Variants in INSC observed in about 807,000 individuals in gnomAD.
INSC encodes INSC spindle orientation adaptor protein.
Under a neutral mutation model 58.6 loss-of-function variants are expected in INSC, and 67 were observed. The observed-to-expected ratio is 1.14, with a 90% CI of 0.94 to 1.40. The LOEUF is 1.40. Ranked by LOEUF, INSC falls within the 40% of genes most tolerant of loss-of-function variation. The probability of loss-of-function intolerance (pLI) is 0.00; values close to 1 mark genes in which losing one functional copy is unlikely to be tolerated. For synonymous variants in INSC, 262 were observed against 276.1 expected, an observed-to-expected ratio of 0.95 and a Z score of 0.51; for missense variants, 714 against 692.0, an observed-to-expected ratio of 1.03 and a Z score of -0.36.
chr11:15,251,963 C>T (rs1852655078), downstream of INSC, among the ~76,000 whole-genome samples: 1 of 151,934 alleles, frequency 6.6e-6, no homozygotes, highest in East Asian at 1.9e-4. Flanking sequence ...CATAGTTGCC[C>T]AAAAGTAGAA....
chr11:15,218,746 A>ATCAGGAT (rs1589982827), intron 7 of INSC, among the ~76,000 whole-genome samples: 1 of 152,316 alleles, frequency 6.6e-6, no homozygotes, highest in East Asian at 1.9e-4. Context: ...TGGGGTCTAC[A>ATCAGGAT]TCAGGATGGG....
upstream of INSC, chr11:15,112,582 G>T (rs1200703058): frequency 6.7e-7 from 1 of 1,493,788 alleles, no homozygotes; most frequent in South Asian, 1.2e-5. Context: ...ATCTGGGAAG[G>T]TGGATGTGAG....
the INSC span, among the ~76,000 whole-genome samples, chr11:15,258,452 C>T: frequency 2.6e-5 from 4 of 152,294 alleles, no homozygotes; most frequent in Admixed American, 6.5e-5. Context: ...GTGACTGCAT[C>T]GCTCATCCAG....
intron 9 of INSC, among the ~76,000 whole-genome samples, chr11:15,230,536 T>C (rs1851888137): frequency 6.6e-6 from 1 of 152,106 alleles, no homozygotes; most frequent in Non-Finnish European, 1.5e-5. Context: ...ACCTCTAACA[T>C]AGGGGATTAC....
intron 8 of INSC, among the ~76,000 whole-genome samples, chr11:15,224,766 G>A (rs1390453524): frequency 1.3e-5 from 2 of 152,190 alleles, no homozygotes; most frequent in East Asian, 3.8e-4. Flanking sequence ...GGTGGTGGAA[G>A]GATAAGGTTA....
chr11:15,125,999 G>A (rs1304690390), intron 1 of INSC, among the ~76,000 whole-genome samples: 1 of 152,148 alleles, frequency 6.6e-6, no homozygotes, highest in Non-Finnish European at 1.5e-5. Context: ...TAAGGGACCT[G>A]TTGGGGAATA....
At chr11:15,179,312 G>A (rs906673834) in intron 5 of INSC, among the ~76,000 whole-genome samples, 1 of 152,154 alleles carries the variant, frequency 6.6e-6, no homozygotes, top group Admixed American at 6.5e-5. Flanking sequence ...GATTCCATAA[G>A]GTTTTCATTA....
At chr11:15,249,020 G>A (rs575716330), downstream of INSC, among the ~76,000 whole-genome samples, 2 of 152,294 alleles carry the variant, frequency 1.3e-5, no homozygotes, top group Non-Finnish European at 2.9e-5. Flanking sequence ...TCCGGTGGGA[G>A]CCATAAGGAC....
At chr11:15,170,365 A>G (rs754843974) in intron 2 of INSC, among the ~76,000 whole-genome samples, 7 of 152,024 alleles carry the variant, frequency 4.6e-5, no homozygotes, top group Admixed American at 3.9e-4. Flanking sequence ...CCTCTGTTCT[A>G]TGACAGTTTT....
the INSC span, among the ~76,000 whole-genome samples, chr11:15,256,901 T>G: frequency 5.3e-5 from 8 of 152,208 alleles, no homozygotes; most frequent in African/African-American, 1.9e-4. Context: ...ACACACTTGA[T>G]CTATGGCCTT....
intron 7 of INSC, among the ~76,000 whole-genome samples, chr11:15,211,366 G>A (rs768817127): frequency 6.6e-6 from 1 of 152,162 alleles, no homozygotes; most frequent in Non-Finnish European, 1.5e-5. Context: ...GTAGGGCTGA[G>A]TCTTTTGCCC....
downstream of INSC, among the ~76,000 whole-genome samples, chr11:15,251,714 G>A (rs2133995023): frequency 6.6e-6 from 1 of 152,220 alleles, no homozygotes; most frequent in Middle Eastern, 3.4e-3. Context: ...CTTCATTCTG[G>A]TGGGATGGTA....
In INSC at chr11:15,158,128, C is replaced by T. The variant is rs187120932; in HGVS notation, c.56+8898C>T. ...TCTTTCTTCTCTTTCTGTTTTATAA[C>T]TATCATTTCCCAACAGGCTACTCTC... On this transcript the variant is annotated intron_variant, in intron 2 of 12. Coordinates refer to ENST00000379556, the MANE Select transcript of INSC (RefSeq NM_001042536.3). 1.2e-3 allele frequency among the ~76,000 whole-genome samples: 183 copies of T among 152,172 alleles called. No homozygotes were observed. The South Asian group carries it at 0.022, about 18-fold the overall frequency.
intron 7 of INSC, among the ~76,000 whole-genome samples, chr11:15,203,367 T>C (rs1189875429): frequency 2.0e-5 from 3 of 152,152 alleles, no homozygotes; most frequent in African/African-American, 7.2e-5. Context: ...TTGCTTATAA[T>C]ACACAGACAC....
chr11:15,200,107 C>T (rs901722373), intron 6 of INSC, among the ~76,000 whole-genome samples: 1 of 151,752 alleles, frequency 6.6e-6, no homozygotes, highest in Non-Finnish European at 1.5e-5. Context: ...AAAGTACATG[C>T]TCACCACACT....
intron 7 of INSC, among the ~76,000 whole-genome samples, chr11:15,203,689 T>C (rs535967274): frequency 3.2e-4 from 48 of 152,326 alleles, no homozygotes; most frequent in African/African-American, 1.1e-3. Flanking sequence ...GCTGGGAGTA[T>C]AACAGTGAAC....
chr11:15,239,203 C>T (rs2133976578), intron 11 of INSC, 129 bp downstream of exon 11: 1 of 1,160,480 alleles, frequency 8.6e-7, no homozygotes, highest in East Asian at 2.6e-5. Context: ...TCTCTGGGGG[C>T]TCAGGGGTGG....
intron 2 of INSC, among the ~76,000 whole-genome samples, chr11:15,156,759 C>T (rs977891285): frequency 4.6e-5 from 7 of 152,150 alleles, no homozygotes; most frequent in Non-Finnish European, 7.3e-5. Context: ...CTTGGTACAT[C>T]GAAGATGCAC....
chr11:15,116,819 T>C (rs980062451), intron 1 of INSC, among the ~76,000 whole-genome samples: 5 of 31,182 alleles, frequency 1.6e-4, no homozygotes, highest in African/African-American at 7.7e-4. Flanking sequence ...CTTTCTTTCT[T>C]TCTTTCTTTC....
Sources: gnomAD v4.1 joint callset for allele counts (sites outside exome capture counted in the v4.1 genomes callset) on GRCh38, gnomAD v4.1.1 for gene constraint, MANE v1.5 for transcripts, NCBI Gene and HGNC (gene_info 2026-07-23, HGNC 2026-07-21) for gene names.